NPAS3: variants seen among roughly 807,000 people sequenced by gnomAD.
NPAS3 encodes the protein neuronal PAS domain-containing protein 3.
NPAS3 carries 14 observed loss-of-function variants against 73.1 expected under a neutral mutation model. That is an observed-to-expected ratio of 0.19 (90% CI 0.13 to 0.30). The LOEUF is 0.30. Among genes scored for constraint, NPAS3 ranks in the 10% least tolerant of loss-of-function variants. The pLI is 1.00. For synonymous variants in NPAS3, 620 were observed against 541.5 expected (o/e 1.14, Z -2.01); for missense variants, 1,096 against 1,250.0 (o/e 0.88, Z 1.86).
At chr14:33,082,265 T>C (rs1468356135) in intron 2 of NPAS3, among the ~76,000 whole-genome samples, 1 of 152,158 alleles carries the variant, frequency 6.6e-6, no homozygotes, top group Non-Finnish European at 1.5e-5. Context: ...TAAGGCCTAG[T>C]TGTAAGAAAG....
intron 2 of NPAS3, among the ~76,000 whole-genome samples, chr14:33,171,719 AGTG>A (rs1482736504): frequency 6.6e-6 from 1 of 152,198 alleles, no homozygotes; most frequent in African/African-American, 2.4e-5. Flanking sequence ...TGACTGGAGT[AGTG>A]GTTTTAATTT....
intron 4 of NPAS3, among the ~76,000 whole-genome samples, chr14:33,549,526 T>G (rs2055009636): frequency 6.6e-6 from 1 of 152,058 alleles, no homozygotes; most frequent in Non-Finnish European, 1.5e-5. Context: ...AGTGCCTATT[T>G]TAAAGAAAAA....
intron 5 of NPAS3, among the ~76,000 whole-genome samples, chr14:33,619,179 C>A (rs8008036): frequency 0.24 from 36,239 of 152,066 alleles, 6,897 homozygotes; most frequent in African/African-American, 0.54. Context: ...AGCTTCATAT[C>A]TCATACAAAA....
At chr14:33,441,972 T>G (rs1314970853) in intron 4 of NPAS3, among the ~76,000 whole-genome samples, 1 of 152,140 alleles carries the variant, frequency 6.6e-6, no homozygotes, top group Non-Finnish European at 1.5e-5. Context: ...AGCTACAATT[T>G]AAGATGAGAT....
chr14:33,204,583 T>G (rs185707527), intron 2 of NPAS3, among the ~76,000 whole-genome samples: 92 of 152,204 alleles, frequency 6.0e-4, no homozygotes, highest in Admixed American at 3.9e-3. Context: ...CGTCAGGTTT[T>G]CAAGGATGTG....
chr14:32,968,820 G>T (rs997677576), intron 1 of NPAS3, among the ~76,000 whole-genome samples: 3 of 151,392 alleles, frequency 2.0e-5, no homozygotes, highest in Non-Finnish European at 4.4e-5. Context: ...CCTGTGCAGG[G>T]TGTGCAGGTT....
At chr14:33,224,525 G>A (rs1173676029) in intron 3 of NPAS3, among the ~76,000 whole-genome samples, 1 of 151,964 alleles carries the variant, frequency 6.6e-6, no homozygotes, top group East Asian at 1.9e-4. Context: ...CTAAAGGAAG[G>A]CCAATAGATA....
chr14:33,016,795 T>C (rs1364894345), intron 1 of NPAS3, among the ~76,000 whole-genome samples: 1 of 152,152 alleles, frequency 6.6e-6, no homozygotes, highest in African/African-American at 2.4e-5. Flanking sequence ...TTTTTAAGCA[T>C]ACTGTGTCAT....
chr14:33,272,729 C>T (rs564779137), intron 3 of NPAS3, among the ~76,000 whole-genome samples: 1 of 152,214 alleles, frequency 6.6e-6, no homozygotes, highest in East Asian at 1.9e-4. Flanking sequence ...ATTTTATAAG[C>T]ATTTACTTTG....
intron 1 of NPAS3, among the ~76,000 whole-genome samples, chr14:33,014,541 T>C (rs1157035646): frequency 6.6e-6 from 1 of 152,218 alleles, no homozygotes; most frequent in Admixed American, 6.5e-5. Context: ...TGAAATGTGA[T>C]GTATGACATA....
chr14:33,686,063 G>A (rs2060080515), intron 6 of NPAS3, among the ~76,000 whole-genome samples: 1 of 152,206 alleles, frequency 6.6e-6, no homozygotes, highest in Non-Finnish European at 1.5e-5. Flanking sequence ...CTCAATTGTG[G>A]CATAAATAAA....
At chr14:32,947,325 A>C (rs1440539165) in intron 1 of NPAS3, among the ~76,000 whole-genome samples, 1 of 152,132 alleles carries the variant, frequency 6.6e-6, no homozygotes, top group Non-Finnish European at 1.5e-5. Flanking sequence ...CAGTATTTCA[A>C]TGGTGGCAAG....
At chr14:33,025,721 A>C (rs2039777778) in intron 1 of NPAS3, among the ~76,000 whole-genome samples, 1 of 151,960 alleles carries the variant, frequency 6.6e-6, no homozygotes, top group East Asian at 1.9e-4. Context: ...AGTGTGTGGC[A>C]CTTCCCCCTT....
intron 3 of NPAS3, among the ~76,000 whole-genome samples, chr14:33,311,164 G>A (rs900334136): frequency 1.2e-4 from 19 of 152,036 alleles, no homozygotes; most frequent in Non-Finnish European, 2.4e-4. Flanking sequence ...TGCCTTTTGG[G>A]GTATTCTCTG....
intron 3 of NPAS3, among the ~76,000 whole-genome samples, chr14:33,311,448 C>T (rs1389948544): frequency 6.6e-6 from 1 of 152,072 alleles, no homozygotes; most frequent in Non-Finnish European, 1.5e-5. Context: ...ACTTATATAT[C>T]CTACAACTTC....
At chr14:33,589,606 A>G (rs2056990779) in intron 5 of NPAS3, among the ~76,000 whole-genome samples, 1 of 152,198 alleles carries the variant, frequency 6.6e-6, no homozygotes, top group Middle Eastern at 3.2e-3. Context: ...TTGTAGTTCC[A>G]GATCCCACAT....
At chr14:33,717,793 A>G (rs1200436384) in intron 6 of NPAS3, among the ~76,000 whole-genome samples, 1 of 152,116 alleles carries the variant, frequency 6.6e-6, no homozygotes, top group East Asian at 1.9e-4. Context: ...TAAAATAGGG[A>G]AAATAAAGGT....
rs754303724 is a variant in NPAS3 at position 33,800,220 on chromosome 14, C to A, written c.1913C>A (p.Ser638Tyr). ...CTGGTGGAGCCCCCGCGGCTGCTGT[C>A]CTCCCCCAACAGTGCCTCGGTGCTC... The change falls in exon 12 of 12, where the codon TCC becomes TAC. Residue 638 changes from serine (S) to tyrosine (Y), a missense_variant. Physicochemically the swap from Ser to Tyr is moderately radical, Grantham distance 144. Coordinates refer to ENST00000356141, the Ensembl canonical transcript of NPAS3. The surrounding 1 kb of genome is among the most constrained non-coding windows in gnomAD (Gnocchi z 6.5). 1 of 1,612,724 alleles carries A rather than the reference C, an allele frequency of 6.2e-7. No homozygotes were observed. The highest frequency in any genetic ancestry group is 1.1e-5 in the South Asian group (1 of 91,048).
intron 2 of NPAS3, among the ~76,000 whole-genome samples, chr14:33,062,159 C>T (rs1371916438): frequency 6.6e-6 from 1 of 152,038 alleles, no homozygotes; most frequent in South Asian, 2.1e-4. Context: ...AGAAGAATTA[C>T]CCTGGAGGTG....
Sources: gnomAD v4.1 joint callset for allele counts (sites outside exome capture counted in the v4.1 genomes callset) on GRCh38, gnomAD v4.1.1 for gene constraint, Gnocchi (gnomAD v3.1) non-coding constraint, MANE v1.5 for transcripts, NCBI Gene and HGNC (gene_info 2026-07-23, HGNC 2026-07-21) for gene names.